RRAS2: variants seen among roughly 807,000 people sequenced by gnomAD.
RRAS2 encodes the protein ras-related protein R-Ras2.
Under a neutral mutation model 27.6 loss-of-function variants are expected in RRAS2, and 7 were observed. The ratio of observed to expected loss-of-function variants is 0.25; its 90% CI spans 0.14 to 0.48. RRAS2 has a LOEUF of 0.48. RRAS2 is among the 20% of genes least tolerant of loss of function. The pLI is 0.99. For missense variants in RRAS2, 178 were observed against 256.2 expected, an observed-to-expected ratio of 0.69 and a Z score of 2.08; for synonymous variants, 86 against 90.9, an observed-to-expected ratio of 0.95 and a Z score of 0.31.
chr11:14,343,059 T>C (rs1478557662), intron 1 of RRAS2, among the ~76,000 whole-genome samples: 1 of 152,198 alleles, frequency 6.6e-6, no homozygotes, highest in African/African-American at 2.4e-5. Flanking sequence ...GTAAGACAGC[T>C]GGAACAAAGC....
intron 4 of RRAS2, among the ~76,000 whole-genome samples, chr11:14,283,111 A>C (rs1849583653): frequency 1.3e-5 from 2 of 152,150 alleles, no homozygotes; most frequent in Admixed American, 6.5e-5. Flanking sequence ...CCTTTGCATA[A>C]GGCGTTTATC....
At chr11:14,305,897 T>C (rs1320216103) in intron 1 of RRAS2, among the ~76,000 whole-genome samples, 1 of 151,846 alleles carries the variant, frequency 6.6e-6, no homozygotes, top group African/African-American at 2.4e-5. Context: ...ATTTAAAAAT[T>C]AGTCAGATGT....
chr11:14,285,527 T>C (rs1849637720), intron 4 of RRAS2, among the ~76,000 whole-genome samples: 2 of 152,256 alleles, frequency 1.3e-5, no homozygotes, highest in Non-Finnish European at 2.9e-5. Flanking sequence ...ATAATTACCA[T>C]CTCTGGTACT....
Position 14,327,047 on chromosome 11 carries a change from C to T in RRAS2, c.109-31192G>A, listed in dbSNP as rs1287856272. 1.4e-4 allele frequency among the ~76,000 whole-genome samples: 2 copies of T among 13,824 alleles called. 1 individual carries two copies. Among genetic ancestry groups the T allele is most frequent in the Non-Finnish European group, 5.9e-4 (2 of 3,382 alleles). The allele number at this position is 13,824 out of a possible 152,430, so 9.1% of individuals were successfully genotyped here. A position where few individuals can be genotyped will look rare whatever the true frequency, so the allele number is the denominator to read the frequency against. On this transcript the variant is annotated intron_variant, in intron 1 of 5. Transcript: ENST00000256196. ...CTGCACTCCAGCCTGGGCAACAGAGCGAGACTCTGTCTCAAAAAAAAAAAA... is the reference window on the plus strand; with the variant it reads ...CTGCACTCCAGCCTGGGCAACAGAGTGAGACTCTGTCTCAAAAAAAAAAAA...
chr11:14,283,660 G>A (rs1269450392), intron 4 of RRAS2, among the ~76,000 whole-genome samples: 2 of 151,816 alleles, frequency 1.3e-5, no homozygotes, highest in Non-Finnish European at 2.9e-5. Context: ...CAAGTAATAT[G>A]TCCATTTCAT....
chr11:14,288,770 C>T (rs960327463), intron 4 of RRAS2, among the ~76,000 whole-genome samples: 6 of 152,184 alleles, frequency 3.9e-5, no homozygotes, highest in African/African-American at 1.4e-4. Flanking sequence ...CATGTATGAG[C>T]TCATCTAGTA....
At chr11:14,302,073 T>TACACACACACACACACACACACACACAC (rs57730782) in intron 1 of RRAS2, among the ~76,000 whole-genome samples, 34 of 142,472 alleles carry the variant, frequency 2.4e-4, no homozygotes, top group East Asian at 6.4e-4. Flanking sequence ...ACCACACACA[T>TACACACACACACACACACACACACACAC]ACACACACAC....
chr11:14,332,904 A>T (rs1340858932), intron 1 of RRAS2, among the ~76,000 whole-genome samples: 5 of 152,172 alleles, frequency 3.3e-5, no homozygotes, highest in African/African-American at 1.2e-4. Context: ...AAACCAAAAA[A>T]AGTTTAAATA....
At chr11:14,354,582 T>A (rs1849031730) in intron 1 of RRAS2, 1 of 151,122 alleles carries the variant, frequency 6.6e-6, no homozygotes, top group Non-Finnish European at 1.5e-5. Flanking sequence ...AGATTATGTG[T>A]CAAAGAAAAA....
intron 1 of RRAS2, among the ~76,000 whole-genome samples, chr11:14,299,161 T>C (rs1320978010): frequency 1.3e-5 from 2 of 152,224 alleles, no homozygotes; most frequent in African/African-American, 4.8e-5. Context: ...ATAATAACTA[T>C]TGTTTTTGTC....
rs117823017 is a variant in RRAS2 at position 14,343,031 on chromosome 11, G to T, written c.108+15732C>A. On this transcript the variant is annotated intron_variant, in intron 1 of 5. Coordinates refer to ENST00000256196, the MANE Select transcript of RRAS2 (RefSeq NM_012250.6). ...GTTTTTAAAAGAAAAGGAATGTGGG[G>T]TATTTTGTGACAGGCCAGTAAGACA... is the stretch of plus-strand genomic sequence containing the variant. Among the ~76,000 whole-genome samples, 707 of 152,266 alleles carry T rather than the reference G, an allele frequency of 4.6e-3. 5 individuals carry two copies. The highest frequency in any genetic ancestry group is 7.5e-3 in the Non-Finnish European group (511 of 68,028).
At chr11:14,346,067 T>C (rs2134029392) in intron 1 of RRAS2, among the ~76,000 whole-genome samples, 1 of 152,262 alleles carries the variant, frequency 6.6e-6, no homozygotes, top group South Asian at 2.1e-4. Context: ...CAAGAGAACA[T>C]TACCGTTGTT....
At chr11:14,336,388 A>G (rs1848589972) in intron 1 of RRAS2, among the ~76,000 whole-genome samples, 1 of 152,228 alleles carries the variant, frequency 6.6e-6, no homozygotes, top group Non-Finnish European at 1.5e-5. Flanking sequence ...AATGACAAAA[A>G]GACAATCGAC....
intron 1 of RRAS2, among the ~76,000 whole-genome samples, chr11:14,312,134 G>A (rs1033928162): frequency 3.3e-5 from 5 of 152,120 alleles, no homozygotes; most frequent in Non-Finnish European, 7.4e-5. Context: ...CAAAGTGCTG[G>A]GATTACAGGT....
chr11:14,321,905 G>C (rs1446231063), intron 1 of RRAS2, among the ~76,000 whole-genome samples: 2 of 152,076 alleles, frequency 1.3e-5, no homozygotes, highest in Non-Finnish European at 2.9e-5. Flanking sequence ...GTAATCATAT[G>C]ACAATGATTA....
intron 1 of RRAS2, among the ~76,000 whole-genome samples, chr11:14,348,073 T>C (rs781787993): frequency 2.6e-5 from 4 of 152,174 alleles, no homozygotes; most frequent in Non-Finnish European, 5.9e-5. Flanking sequence ...ATTAAGAAGA[T>C]ATATTTTTTA....
At chr11:14,331,235 A>C (rs1459731076) in intron 1 of RRAS2, among the ~76,000 whole-genome samples, 6 of 152,216 alleles carry the variant, frequency 3.9e-5, no homozygotes, top group Admixed American at 6.5e-5. Flanking sequence ...ACACCCATAC[A>C]ACTTAATAAA....
intron 1 of RRAS2, among the ~76,000 whole-genome samples, chr11:14,316,820 T>C (rs1848119069): frequency 6.6e-6 from 1 of 152,210 alleles, no homozygotes; most frequent in South Asian, 2.1e-4. Flanking sequence ...AATTGTTACA[T>C]TGTAATTCAC....
In RRAS2 at chr11:14,357,909, A is replaced by G. The variant is rs1027849106; in HGVS notation, c.108+854T>C. Among the ~76,000 whole-genome samples the G allele has an allele frequency of 2.6e-5, 4 of 152,296 alleles. No homozygotes were observed. The East Asian group carries it at 5.8e-4, about 22-fold the overall frequency. On this transcript the variant is annotated intron_variant, in intron 1 of 5. Coordinates refer to ENST00000256196, the MANE Select transcript of RRAS2 (RefSeq NM_012250.6). Reference sequence around the variant, plus strand: ...TACTCAAACCTCTCCCCAAGAGCAAATTCTAAGAAGGAAGAATACCACCTC... The same window carrying G: ...TACTCAAACCTCTCCCCAAGAGCAAGTTCTAAGAAGGAAGAATACCACCTC...
Sources: gnomAD v4.1 joint callset for allele counts (sites outside exome capture counted in the v4.1 genomes callset) on GRCh38, gnomAD v4.1.1 for gene constraint, MANE v1.5 for transcripts, NCBI Gene and HGNC (gene_info 2026-07-23, HGNC 2026-07-21) for gene names.